RMST: variants seen among roughly 807,000 people sequenced by gnomAD.
RMST encodes rhabdomyosarcoma 2 associated transcript.
chr12:97,521,536 T>C (rs545331724), intron 10 of RMST, among the ~76,000 whole-genome samples: 18 of 152,294 alleles, frequency 1.2e-4, no homozygotes, highest in African/African-American at 4.3e-4. Flanking sequence ...ATGTAAAGAA[T>C]TTAATTTCTA....
rs147166579 is a variant in RMST, at chr12:97,548,763, G to A, written n.1546-11774G>A. Among the ~76,000 whole-genome samples, 9 of 151,506 alleles carry A rather than the reference G, an allele frequency of 5.9e-5. No individual in the cohort carries two copies. In the East Asian group the frequency reaches 1.6e-3, roughly 26 times the overall value. On this transcript the variant is annotated intron_variant and non_coding_transcript_variant, in intron 11 of 13. Coordinates refer to ENST00000640149, the Ensembl canonical transcript of RMST. ...ACAGGTTTTTTTGTAAAATCTTTAGGGTTTTCTATAAATAAGATCATGTCT... is the reference window on the plus strand; with the variant it reads ...ACAGGTTTTTTTGTAAAATCTTTAGAGTTTTCTATAAATAAGATCATGTCT...
chr12:97,529,262 C>T (rs1437598488), intron 10 of RMST, among the ~76,000 whole-genome samples: 1 of 152,064 alleles, frequency 6.6e-6, no homozygotes, highest in Non-Finnish European at 1.5e-5. Flanking sequence ...ATACATTTAT[C>T]AGTTTATCTT....
Position 97,562,027 on chromosome 12 carries a change from C to G in RMST, n.1958+980C>G, listed in dbSNP as rs1455019204. On this transcript the variant is annotated intron_variant and non_coding_transcript_variant, in intron 13 of 13. Transcript: ENST00000640149. ...GCCAGTTTTTGCTGGCTGAGTGCGC[C>G]ACAGAGGAAGAACAGCAACAAAACT... 7.2e-5 allele frequency among the ~76,000 whole-genome samples: 11 copies of G among 152,104 alleles called. No individual in the cohort carries two copies. The East Asian group carries it at 2.1e-3, about 30-fold the overall frequency.
intron 11 of RMST, among the ~76,000 whole-genome samples, chr12:97,558,059 C>A (rs1198840105): frequency 8.6e-5 from 13 of 152,002 alleles, no homozygotes; most frequent in African/African-American, 2.9e-4. Context: ...CCTCCTCTAC[C>A]TTTTCCTTCT....
At chr12:97,512,492 G>A (rs566389732) in intron 10 of RMST, among the ~76,000 whole-genome samples, 5 of 152,254 alleles carry the variant, frequency 3.3e-5, no homozygotes, top group East Asian at 1.9e-4. Context: ...TGATTGGTGC[G>A]TTTACAATCC....
chr12:97,518,117 A>G (rs1362217421), intron 10 of RMST, among the ~76,000 whole-genome samples: 1 of 152,172 alleles, frequency 6.6e-6, no homozygotes, highest in Non-Finnish European at 1.5e-5. Context: ...CTTGAAGTAG[A>G]GTTATCAGAG....
At chr12:97,537,453 C>G (rs1488991264) in intron 11 of RMST, among the ~76,000 whole-genome samples, 1 of 151,362 alleles carries the variant, frequency 6.6e-6, no homozygotes, top group Non-Finnish European at 1.5e-5. Context: ...TTTCTCTTGT[C>G]TCATTCTTTA....
intron 5 of RMST, among the ~76,000 whole-genome samples, chr12:97,488,195 C>T (rs978036915): frequency 4.7e-4 from 71 of 152,118 alleles, no homozygotes; most frequent in African/African-American, 1.7e-3. Flanking sequence ...ATCAGCCTGG[C>T]CAACATGGCG....
chr12:97,480,183 G>A (rs897533708), intron 5 of RMST, among the ~76,000 whole-genome samples: 7 of 150,538 alleles, frequency 4.6e-5, no homozygotes, highest in Admixed American at 1.3e-4. Flanking sequence ...CTCTGCCTGC[G>A]GGTTCATGCC....
At chr12:97,485,975 T>C (rs971663892) in intron 5 of RMST, among the ~76,000 whole-genome samples, 1 of 152,234 alleles carries the variant, frequency 6.6e-6, no homozygotes, top group Non-Finnish European at 1.5e-5. Context: ...GGATAATGTT[T>C]CCCATAATAC....
At chr12:97,491,719 G>A (rs1430938884) in intron 5 of RMST, 1 of 281,954 alleles carries the variant, frequency 3.5e-6, no homozygotes, top group Non-Finnish European at 7.6e-6. Context: ...TGCTGTAAGT[G>A]TAAGCATCTT....
At position 97,525,956 on chromosome 12, in the gene RMST, G is replaced by A. The variant is rs369614095; in HGVS notation, n.1341-4699G>A. 3.2e-4 allele frequency among the ~76,000 whole-genome samples: 48 copies of A among 152,064 alleles called. 1 individual carries two copies. Among genetic ancestry groups the A allele is most frequent in the East Asian group, 1.2e-3 (6 of 5,166 alleles). ...GAACCCTGTTGTGAACTGTGCATGCGAGTGATCTGGGTTGTGCACTCCTTA... is the reference window on the plus strand; with the variant it reads ...GAACCCTGTTGTGAACTGTGCATGCAAGTGATCTGGGTTGTGCACTCCTTA... On this transcript the variant is annotated intron_variant and non_coding_transcript_variant, in intron 10 of 13. Transcript: ENST00000640149.
chr12:97,483,726 C>G (rs1023159656), intron 5 of RMST, among the ~76,000 whole-genome samples: 1 of 152,152 alleles, frequency 6.6e-6, no homozygotes. Flanking sequence ...TGTACCTCCT[C>G]CCTCCCCAAT....
At chr12:97,534,991 T>A (rs1881957726) in intron 11 of RMST, among the ~76,000 whole-genome samples, 1 of 151,690 alleles carries the variant, frequency 6.6e-6, no homozygotes, top group South Asian at 2.1e-4. Flanking sequence ...TAAGGAGAGA[T>A]AGCAAGTGGC....
intron 10 of RMST, among the ~76,000 whole-genome samples, chr12:97,528,307 T>G (rs893313700): frequency 3.3e-5 from 5 of 152,180 alleles, no homozygotes; most frequent in African/African-American, 1.2e-4. Flanking sequence ...AAAGTTGGTT[T>G]TATCAGTCTT....
exon 14 of RMST, chr12:97,564,473 C>G (rs932283419): frequency 1.3e-5 from 2 of 152,804 alleles, no homozygotes; most frequent in African/African-American, 4.8e-5. Context: ...GCATTCTAAT[C>G]TCTCTGCCGC....
At chr12:97,481,499 T>A (rs12578334) in intron 5 of RMST, among the ~76,000 whole-genome samples, 71,447 of 152,074 alleles carry the variant, frequency 0.47, 17,501 homozygotes, top group Middle Eastern at 0.61. Flanking sequence ...GAAAGGCTTT[T>A]AAAAGCTTTA....
intron 4 of RMST, among the ~76,000 whole-genome samples, chr12:97,463,440 G>A (rs1872808598): frequency 6.6e-6 from 1 of 152,230 alleles, no homozygotes. Flanking sequence ...CGGGCTTTGT[G>A]TTACTGGAAT....
chr12:97,545,939 C>A (rs575421049), intron 11 of RMST, among the ~76,000 whole-genome samples: 1 of 151,996 alleles, frequency 6.6e-6, no homozygotes, highest in Non-Finnish European at 1.5e-5. Flanking sequence ...CTTATGTAAA[C>A]AACAGTTCAT....
Sources: allele counts gnomAD v4.1 joint callset (sites outside exome capture counted in the v4.1 genomes callset), GRCh38; gene constraint gnomAD v4.1.1; transcripts MANE v1.5; gene names NCBI Gene and HGNC (gene_info 2026-07-23, HGNC 2026-07-21).